Variants in DAB1 observed in about 807,000 individuals in gnomAD.
DAB1 encodes the protein DAB adaptor protein 1.
A neutral mutation model predicts 64.6 loss-of-function variants in DAB1; 15 were observed. The observed-to-expected ratio is 0.23, with a 90% confidence interval of 0.16 to 0.36. The LOEUF is 0.36. Among genes scored for constraint, DAB1 ranks in the 10% least tolerant of loss-of-function variants. The probability of loss-of-function intolerance (pLI) is 1.00; values close to 1 mark genes in which losing one functional copy is unlikely to be tolerated. For synonymous variants in DAB1, 235 were observed against 251.9 expected (o/e 0.93, Z 0.64); for missense variants, 596 against 706.7 (o/e 0.84, Z 1.78).
At chr1:58,545,337 A>T (rs11207254) in intron 1 of DAB1, among the ~76,000 whole-genome samples, 98,640 of 151,966 alleles carry the variant, frequency 0.65, 34,106 homozygotes, top group East Asian at 0.94. Context: ...CTACGCATAT[A>T]TAATTAAAAC....
chr1:58,035,734 C>A (rs1302472898), intron 5 of DAB1, among the ~76,000 whole-genome samples: 1 of 152,168 alleles, frequency 6.6e-6, no homozygotes, highest in Non-Finnish European at 1.5e-5. Context: ...GATGTACAAT[C>A]AAAGGCAGCA....
At chr1:57,817,659 A>C (rs1011024985) in intron 6 of DAB1, among the ~76,000 whole-genome samples, 3 of 152,162 alleles carry the variant, frequency 2.0e-5, no homozygotes, top group Non-Finnish European at 2.9e-5. Flanking sequence ...TATTGATTTG[A>C]GTGTGTGAAT....
intron 1 of DAB1, chr1:57,874,969 T>G (rs1644018624): frequency 6.6e-6 from 1 of 152,190 alleles, no homozygotes; most frequent in African/African-American, 2.4e-5. Context: ...CTGCTTAGTT[T>G]AAGATGGTGA....
intron 5 of DAB1, among the ~76,000 whole-genome samples, chr1:57,906,447 G>T (rs1444443490): frequency 1.3e-5 from 2 of 152,086 alleles, no homozygotes; most frequent in African/African-American, 4.8e-5. Context: ...AGACAATATG[G>T]CTTAGCTCTT....
chr1:57,116,708 G>C (rs1032787188), intron 4 of DAB1, among the ~76,000 whole-genome samples: 3 of 152,100 alleles, frequency 2.0e-5, no homozygotes, highest in African/African-American at 7.2e-5. Flanking sequence ...TTGCAGACAA[G>C]ATGGTGGAAA....
intron 1 of DAB1, among the ~76,000 whole-genome samples, chr1:57,871,475 A>G (rs1643948414): frequency 6.6e-6 from 1 of 152,176 alleles, no homozygotes; most frequent in African/African-American, 2.4e-5. Flanking sequence ...GAGCTGGGTT[A>G]TTTAAACCAG....
At chr1:57,209,186 T>A (rs1557942670) in intron 2 of DAB1, among the ~76,000 whole-genome samples, 1 of 152,198 alleles carries the variant, frequency 6.6e-6, no homozygotes, top group African/African-American at 2.4e-5. Context: ...GGGAGGGCCA[T>A]GAGGGATGGT....
intron 3 of DAB1, among the ~76,000 whole-genome samples, chr1:58,484,292 T>G (rs1296542290): frequency 6.6e-6 from 1 of 152,230 alleles, no homozygotes; most frequent in African/African-American, 2.4e-5. Flanking sequence ...AAAAAAATCT[T>G]TTCTCACCTC....
chr1:58,400,874 T>C (rs902031146), intron 3 of DAB1, among the ~76,000 whole-genome samples: 4 of 152,190 alleles, frequency 2.6e-5, no homozygotes, highest in Admixed American at 2.6e-4. Context: ...AAAATTAATA[T>C]AGAAAATTTA....
chr1:57,114,570 AG>A (rs1410727205), intron 4 of DAB1, among the ~76,000 whole-genome samples: 1 of 152,230 alleles, frequency 6.6e-6, no homozygotes. Context: ...GAAGTCAATC[AG>A]GTGTATTTGC....
At chr1:57,825,265 A>G (rs1302403081), downstream of DAB1, among the ~76,000 whole-genome samples, 1 of 152,204 alleles carries the variant, frequency 6.6e-6, no homozygotes, top group African/African-American at 2.4e-5. Context: ...ATCTTTGAAG[A>G]TGATCATCCA....
At chr1:57,083,624 T>C (rs1652773810) in intron 4 of DAB1, among the ~76,000 whole-genome samples, 2 of 152,198 alleles carry the variant, frequency 1.3e-5, no homozygotes, top group Non-Finnish European at 2.9e-5. Context: ...ATGTCTTGCA[T>C]GCTAGACAGA....
At chr1:57,640,414 T>C (rs1322848961) in intron 7 of DAB1, among the ~76,000 whole-genome samples, 3 of 152,178 alleles carry the variant, frequency 2.0e-5, no homozygotes, top group Non-Finnish European at 4.4e-5. Context: ...ACCCTTACTC[T>C]TCACAACCAC....
intron 6 of DAB1, among the ~76,000 whole-genome samples, chr1:57,744,954 T>C (rs1442443638): frequency 6.6e-6 from 1 of 152,166 alleles, no homozygotes. Context: ...CAGAACCCTG[T>C]ACATTTCTAA....
At chr1:57,515,911 T>C (rs1310147113) in intron 7 of DAB1, among the ~76,000 whole-genome samples, 1 of 152,208 alleles carries the variant, frequency 6.6e-6, no homozygotes, top group Non-Finnish European at 1.5e-5. Context: ...TCTCTTTTCC[T>C]CCACTCCTAC....
intron 4 of DAB1, among the ~76,000 whole-genome samples, chr1:57,109,695 A>G (rs934134147): frequency 2.0e-5 from 3 of 152,072 alleles, no homozygotes; most frequent in Non-Finnish European, 4.4e-5. Context: ...TGCTCACCCA[A>G]CCCTCCTCAC....
chr1:57,047,325 G>A (rs755233692), intron 9 of DAB1, among the ~76,000 whole-genome samples: 13 of 152,314 alleles, frequency 8.5e-5, no homozygotes, highest in Admixed American at 7.2e-4. Context: ...AGGACTGGAT[G>A]TTTGGGTCCC....
At chr1:57,599,182 CTT>C (rs147293089) in intron 7 of DAB1, among the ~76,000 whole-genome samples, 147 of 142,176 alleles carry the variant, frequency 1.0e-3, no homozygotes, top group African/African-American at 3.2e-3. Context: ...TGAGCTTCTT[CTT>C]TTTTTTTTTT....
chr1:57,561,701 T>C (rs532828154), intron 7 of DAB1, among the ~76,000 whole-genome samples: 3 of 152,282 alleles, frequency 2.0e-5, no homozygotes, highest in Non-Finnish European at 4.4e-5. Flanking sequence ...AAAGTGGCCA[T>C]GGTGGCTGGG....
Sources: gnomAD v4.1 joint callset for allele counts (sites outside exome capture counted in the v4.1 genomes callset) on GRCh38, gnomAD v4.1.1 for gene constraint, MANE v1.5 for transcripts, NCBI Gene and HGNC (gene_info 2026-07-23, HGNC 2026-07-21) for gene names.